ERI1: variants seen among roughly 807,000 people sequenced by gnomAD.
The protein encoded by ERI1 is exoribonuclease 1.
ERI1 carries 39 observed loss-of-function variants against 39.7 expected under a neutral mutation model. That is an observed-to-expected ratio of 0.98 (90% CI 0.76 to 1.28). ERI1 has a LOEUF of 1.28. Among genes scored for constraint, ERI1 ranks in the 50% most tolerant of loss-of-function variants. The pLI, the probability that ERI1 is intolerant of heterozygous loss-of-function variation, is 0.00. For missense variants in ERI1, 581 were observed against 416.9 expected (o/e 1.39, Z -3.43); for synonymous variants, 204 against 149.6 (o/e 1.36, Z -2.65).
At chr8:9,013,794 T>C (rs925122949) in intron 3 of ERI1, among the ~76,000 whole-genome samples, 2 of 152,188 alleles carry the variant, frequency 1.3e-5, no homozygotes, top group African/African-American at 2.4e-5. Flanking sequence ...TTCAAAAACT[T>C]TGGAGTCATC....
intron 3 of ERI1, among the ~76,000 whole-genome samples, chr8:9,088,086 A>G (rs1261866203): frequency 6.6e-6 from 1 of 152,154 alleles, no homozygotes; most frequent in Non-Finnish European, 1.5e-5. Context: ...TTATGAAATC[A>G]TTGCTGATTT....
intron 3 of ERI1, among the ~76,000 whole-genome samples, chr8:9,081,753 G>A (rs953105413): frequency 2.0e-5 from 3 of 150,572 alleles, no homozygotes; most frequent in Admixed American, 1.3e-4. Context: ...AGTTTAATAG[G>A]CAAGAAAGAA....
chr8:9,036,539 T>A (rs1384779935), downstream of ERI1, among the ~76,000 whole-genome samples: 1 of 152,242 alleles, frequency 6.6e-6, no homozygotes, highest in Non-Finnish European at 1.5e-5. Flanking sequence ...TTGTTTAAAT[T>A]TAACTTTTAT....
Position 9,063,588 on chromosome 8 carries a change from TGGGACTGAG to T in ERI1, n.299+43130_299+43138del, listed in dbSNP as rs578140032. Among the ~76,000 whole-genome samples, 876 of 152,150 alleles carry T rather than the reference TGGGACTGAG, an allele frequency of 5.8e-3. 7 individuals carry two copies. Among genetic ancestry groups the T allele is most frequent in the Non-Finnish European group, 6.9e-3 (471 of 67,990 alleles). ...AGAAAGACTCAGCGATGCTTGGGGTTGGGACTGAGGGGACAGGCGGGAGGGAAAGAAGGA... is the reference window on the plus strand; with the variant it reads ...AGAAAGACTCAGCGATGCTTGGGGTTGGGACAGGCGGGAGGGAAAGAAGGA... On this transcript the variant is annotated intron_variant and non_coding_transcript_variant, in intron 3 of 3. Coordinates refer to the ERI1 transcript ENST00000518663.
chr8:9,017,106 C>G (rs181855229), intron 4 of ERI1, among the ~76,000 whole-genome samples: 7 of 152,110 alleles, frequency 4.6e-5, no homozygotes, highest in Admixed American at 2.0e-4. Context: ...GTGGCACGAT[C>G]TTGGCTCACT....
At chr8:9,071,541 A>C (rs1306804205) in intron 3 of ERI1, among the ~76,000 whole-genome samples, 1 of 152,216 alleles carries the variant, frequency 6.6e-6, no homozygotes, top group Non-Finnish European at 1.5e-5. Context: ...CACCTTCTCC[A>C]GTTTTCCGTT....
intron 3 of ERI1, among the ~76,000 whole-genome samples, chr8:9,052,357 G>A (rs529239658): frequency 6.6e-6 from 1 of 151,774 alleles, no homozygotes; most frequent in Admixed American, 6.6e-5. Context: ...GCAAAATTGA[G>A]TCAGGCGTCT....
At chr8:9,060,933 T>G (rs1042406487) in intron 3 of ERI1, among the ~76,000 whole-genome samples, 1 of 152,188 alleles carries the variant, frequency 6.6e-6, no homozygotes, top group Non-Finnish European at 1.5e-5. Flanking sequence ...GGAGGACGCT[T>G]GCGTAGTGAG....
intron 1 of ERI1, chr8:9,004,369 A>G (rs1815726185): frequency 2.2e-6 from 2 of 902,446 alleles, no homozygotes; most frequent in Non-Finnish European, 2.8e-6. Context: ...GCTTCTTTAT[A>G]TTTGAAAGTC....
At chr8:9,047,096 A>G (rs1178863967) in intron 3 of ERI1, among the ~76,000 whole-genome samples, 1 of 152,230 alleles carries the variant, frequency 6.6e-6, no homozygotes, top group Non-Finnish European at 1.5e-5. Context: ...GCTCTTTCCC[A>G]GAAGGAGCAC....
chr8:9,019,198 C>T (rs1306655460), intron 5 of ERI1, among the ~76,000 whole-genome samples: 1 of 152,098 alleles, frequency 6.6e-6, no homozygotes, highest in African/African-American at 2.4e-5. Flanking sequence ...GACGTTGTGC[C>T]AGGGCAACTC....
intron 1 of ERI1, among the ~76,000 whole-genome samples, chr8:9,006,126 A>T (rs1815994755): frequency 6.6e-6 from 1 of 152,230 alleles, no homozygotes; most frequent in Middle Eastern, 3.2e-3. Flanking sequence ...CAGATTAACA[A>T]TACAAGTAGG....
At chr8:9,024,768 T>C (rs1451260867) in intron 6 of ERI1, among the ~76,000 whole-genome samples, 2 of 152,138 alleles carry the variant, frequency 1.3e-5, no homozygotes, top group Non-Finnish European at 2.9e-5. Context: ...TACAATGCTG[T>C]TGTTGAAGTA....
chr8:9,017,768 A>G (rs137864018), intron 4 of ERI1, among the ~76,000 whole-genome samples: 22 of 152,290 alleles, frequency 1.4e-4, no homozygotes, highest in African/African-American at 5.3e-4. Context: ...AGATAGGCAG[A>G]GGCAATCCAG....
chr8:9,067,642 G>C (rs919511811), intron 3 of ERI1, among the ~76,000 whole-genome samples: 1 of 135,866 alleles, frequency 7.4e-6, no homozygotes, highest in African/African-American at 2.6e-5. Flanking sequence ...GCAACAGAGT[G>C]AGAACCTTTC....
rs79130353 is a variant in ERI1 at position 9,015,139 on chromosome 8, A to T, written c.499-1183A>T. On this transcript the variant is annotated intron_variant, in intron 3 of 6. Coordinates refer to ENST00000250263, the MANE Select transcript of ERI1 (RefSeq NM_153332.4). Reference sequence around the variant, plus strand: ...GGCATTAGTCACCACATCTGGCCTCAGGTGTTCTTTTTTGTTCTTTACTGT... The same window carrying T: ...GGCATTAGTCACCACATCTGGCCTCTGGTGTTCTTTTTTGTTCTTTACTGT... Among the ~76,000 whole-genome samples, 352 of 152,262 alleles carry T rather than the reference A, an allele frequency of 2.3e-3. 10 individuals are homozygous for T. The East Asian group carries it at 0.051, about 22-fold the overall frequency.
intron 3 of ERI1, among the ~76,000 whole-genome samples, chr8:9,044,505 C>CA (rs1206460174): frequency 1.3e-5 from 2 of 152,102 alleles, no homozygotes; most frequent in Non-Finnish European, 2.9e-5. Context: ...GCCAACTACC[C>CA]ATCATCAACT....
chr8:9,004,704 G>T (rs62495493), intron 1 of ERI1, among the ~76,000 whole-genome samples: 3 of 143,450 alleles, frequency 2.1e-5, no homozygotes, highest in African/African-American at 7.8e-5. Context: ...TTTTTTTTTG[G>T]AGACGGAGTT....
At chr8:9,035,835 C>G (rs917028311), downstream of ERI1, among the ~76,000 whole-genome samples, 2 of 152,206 alleles carry the variant, frequency 1.3e-5, no homozygotes, top group African/African-American at 4.8e-5. Flanking sequence ...ATTCACCATT[C>G]TATTCTGAAT....
Sources: gnomAD v4.1 joint callset for allele counts (sites outside exome capture counted in the v4.1 genomes callset) on GRCh38, gnomAD v4.1.1 for gene constraint, MANE v1.5 for transcripts, NCBI Gene and HGNC (gene_info 2026-07-23, HGNC 2026-07-21) for gene names.